The following KIAA1217 variants were observed in gnomAD, a reference collection of about 807,000 sequenced individuals.
KIAA1217 encodes KIAA1217, also known as sickle tail protein homolog.
A neutral mutation model predicts 163.9 loss-of-function variants in KIAA1217; 88 were observed. The observed-to-expected ratio is 0.54, with a 90% CI of 0.45 to 0.64. The LOEUF (loss-of-function observed/expected upper bound fraction) is 0.64, where lower values mean the gene tolerates loss of function less well. Among genes scored for constraint, KIAA1217 ranks in the 30% least tolerant of loss-of-function variants. KIAA1217 has a pLI of 0.00. For synonymous variants in KIAA1217, 903 were observed against 923.1 expected (o/e 0.98, Z 0.39); for missense variants, 2,372 against 2,475.0 (o/e 0.96, Z 0.88).
chr10:24,102,934 G>A (rs2062474637), intron 2 of KIAA1217, among the ~76,000 whole-genome samples: 2 of 152,192 alleles, frequency 1.3e-5, no homozygotes, highest in Non-Finnish European at 2.9e-5. Flanking sequence ...TCAGGGCAGT[G>A]ATTAAGTCTC....
chr10:23,924,769 C>A (rs1361822906), intron 1 of KIAA1217, among the ~76,000 whole-genome samples: 2 of 152,110 alleles, frequency 1.3e-5, no homozygotes, highest in African/African-American at 4.8e-5. Context: ...AGTAACAGGC[C>A]TATATCCAGT....
chr10:24,443,343 A>G (rs1181697955), intron 5 of KIAA1217, among the ~76,000 whole-genome samples: 3 of 152,196 alleles, frequency 2.0e-5, no homozygotes, highest in Non-Finnish European at 2.9e-5. Context: ...CAGAACAGAG[A>G]TTTAAACCCA....
intron 2 of KIAA1217, among the ~76,000 whole-genome samples, chr10:24,172,646 A>G (rs140096428): frequency 6.6e-6 from 1 of 152,332 alleles, no homozygotes; most frequent in African/African-American, 2.4e-5. Flanking sequence ...ATAAGACTAT[A>G]TAGGTGCTGG....
intron 1 of KIAA1217, among the ~76,000 whole-genome samples, chr10:23,950,807 T>C (rs947991465): frequency 6.6e-5 from 10 of 152,192 alleles, no homozygotes; most frequent in African/African-American, 2.4e-4. Context: ...TTCTCTCTAG[T>C]AGAACATAAT....
intron 1 of KIAA1217, among the ~76,000 whole-genome samples, chr10:23,981,168 T>C (rs1200140250): frequency 6.6e-6 from 1 of 152,240 alleles, no homozygotes; most frequent in Non-Finnish European, 1.5e-5. Context: ...TTGAAGATAT[T>C]TATCAATAAT....
intron 1 of KIAA1217, among the ~76,000 whole-genome samples, chr10:23,869,528 T>C (rs1840361059): frequency 6.6e-6 from 1 of 152,078 alleles, no homozygotes. Flanking sequence ...ACTGCATTAT[T>C]TATACATGGG....
intron 2 of KIAA1217, among the ~76,000 whole-genome samples, chr10:24,360,040 C>CTTTTTTTT (rs34396312): frequency 3.2e-5 from 3 of 94,282 alleles, no homozygotes; most frequent in Admixed American, 1.4e-4. Flanking sequence ...GATATAATTA[C>CTTTTTTTT]TTTTTTTTTT....
chr10:24,153,832 G>T (rs1464731570), intron 2 of KIAA1217, among the ~76,000 whole-genome samples: 4 of 152,168 alleles, frequency 2.6e-5, no homozygotes, highest in Non-Finnish European at 5.9e-5. Flanking sequence ...TTTTTAAAAA[G>T]ATAATTCCCC....
intron 1 of KIAA1217, among the ~76,000 whole-genome samples, chr10:23,778,076 GGATTA>G (rs1835085446): frequency 6.6e-6 from 1 of 152,072 alleles, no homozygotes; most frequent in African/African-American, 2.4e-5. Flanking sequence ...TGAGTAGCTG[GGATTA>G]TGGGTGTGCA....
chr10:24,416,876 G>A (rs1404489684), intron 3 of KIAA1217, among the ~76,000 whole-genome samples: 1 of 152,036 alleles, frequency 6.6e-6, no homozygotes, highest in Admixed American at 6.6e-5. Flanking sequence ...CAGTGTGAGG[G>A]GTGCATACAC....
intron 1 of KIAA1217, among the ~76,000 whole-genome samples, chr10:23,997,183 C>T (rs983963819): frequency 3.3e-5 from 5 of 152,148 alleles, no homozygotes; most frequent in African/African-American, 1.2e-4. Flanking sequence ...TACCAACTTG[C>T]AGGAAGTTCT....
intron 2 of KIAA1217, among the ~76,000 whole-genome samples, chr10:24,147,733 T>C (rs1284282221): frequency 6.9e-6 from 1 of 144,748 alleles, no homozygotes; most frequent in African/African-American, 2.6e-5. Context: ...CTCAGGAGGC[T>C]GATGCAGGAG....
intron 1 of KIAA1217, among the ~76,000 whole-genome samples, chr10:24,213,214 G>C (rs1293298335): frequency 1.3e-5 from 2 of 152,186 alleles, no homozygotes; most frequent in African/African-American, 4.8e-5. Context: ...AACAATTATT[G>C]GTGGAACATG....
At chr10:24,466,400 T>C (rs995263331) in intron 5 of KIAA1217, 8 of 310,532 alleles carry the variant, frequency 2.6e-5, no homozygotes, top group Non-Finnish European at 3.3e-5. Flanking sequence ...GTGTTTTCCC[T>C]GTAAGCAGTT....
intron 1 of KIAA1217, among the ~76,000 whole-genome samples, chr10:23,767,624 T>C (rs1834600445): frequency 6.6e-6 from 1 of 151,990 alleles, no homozygotes; most frequent in Non-Finnish European, 1.5e-5. Flanking sequence ...TAGGAAAGAA[T>C]TTGAGGGGCG....
chr10:24,362,519 T>C (rs988400298), intron 2 of KIAA1217, among the ~76,000 whole-genome samples: 7 of 152,248 alleles, frequency 4.6e-5, no homozygotes, highest in Admixed American at 3.3e-4. Flanking sequence ...TGTTGGAAGA[T>C]ATGCTGGATG....
At chr10:24,064,240 C>T (rs898626172) in intron 2 of KIAA1217, among the ~76,000 whole-genome samples, 45 of 152,210 alleles carry the variant, frequency 3.0e-4, no homozygotes, top group African/African-American at 1.1e-3. Flanking sequence ...GGGAGTGCTT[C>T]TAGTTTTTCT....
chr10:23,788,509 G>T (rs1032756608), intron 1 of KIAA1217, among the ~76,000 whole-genome samples: 1 of 152,154 alleles, frequency 6.6e-6, no homozygotes, highest in Non-Finnish European at 1.5e-5. Context: ...GCTTGGTAGG[G>T]ATCCCCTAGT....
rs148598647 is a variant in KIAA1217, at chr10:24,279,965, A to G, written c.354+60056A>G. Among the ~76,000 whole-genome samples, 5 of 152,336 alleles carry G rather than the reference A, an allele frequency of 3.3e-5. No individual in the cohort carries two copies. In the East Asian group the frequency reaches 9.6e-4, roughly 29 times the overall value. ...TGAAAATTCATGGTGCATGGAACTCAGTGAAGGCTCCTCTGTTGAAGAAAT... is the reference window on the plus strand; with the variant it reads ...TGAAAATTCATGGTGCATGGAACTCGGTGAAGGCTCCTCTGTTGAAGAAAT... On this transcript the variant is annotated intron_variant, in intron 2 of 20. Transcript: ENST00000376454.
Sources: gnomAD v4.1 joint callset for allele counts (sites outside exome capture counted in the v4.1 genomes callset) on GRCh38, gnomAD v4.1.1 for gene constraint, MANE v1.5 for transcripts, NCBI Gene and HGNC (gene_info 2026-07-23, HGNC 2026-07-21) for gene names.